The following LAMA1 variants were observed in gnomAD, a reference collection of about 807,000 sequenced individuals.
The protein encoded by LAMA1 is laminin subunit alpha 1.
LAMA1 carries 219 observed loss-of-function variants against 348.7 expected under a neutral mutation model. The ratio of observed to expected loss-of-function variants is 0.63; its 90% CI spans 0.56 to 0.70. LAMA1 has a LOEUF of 0.70. Ranked by LOEUF, LAMA1 falls within the 30% of genes least tolerant of loss-of-function variation. LAMA1 has a pLI of 0.00. For synonymous variants in LAMA1, 1,487 were observed against 1,491.0 expected (o/e 1.00, Z 0.06); for missense variants, 3,744 against 3,888.0 (o/e 0.96, Z 0.99).
At chr18:6,967,166 C>T (rs1265105019) in intron 48 of LAMA1, among the ~76,000 whole-genome samples, 1 of 151,904 alleles carries the variant, frequency 6.6e-6, no homozygotes, top group Admixed American at 6.6e-5. Context: ...TAAAAGAAAA[C>T]AAAACAAAAA....
chr18:7,109,343 C>T (rs1024905924), intron 1 of LAMA1, among the ~76,000 whole-genome samples: 1 of 152,134 alleles, frequency 6.6e-6, no homozygotes, highest in African/African-American at 2.4e-5. Context: ...AAAGAAATGC[C>T]GGGAGCTAAG....
At chr18:6,977,671 T>C (rs2057688480) in intron 44 of LAMA1, 56 bp downstream of exon 44, 1 of 1,608,378 alleles carries the variant, frequency 6.2e-7, no homozygotes, top group Non-Finnish European at 8.5e-7. Context: ...ATGAATTCCC[T>C]GGGACCCCAC....
rs2057500945 is a variant in LAMA1, at chr18:6,942,114, C to T, written c.9193G>A (p.Val3065Ile). The T allele has an allele frequency of 2.5e-6, 4 of 1,614,168 alleles. No individual in the cohort carries two copies. The highest frequency in any genetic ancestry group is 2.2e-5 in the East Asian group (1 of 44,870). ...GTCCCAGGACAGGAATGAAGGAAAA[C>T]TCCGTGCAGTTCGAACGCTCTGCTG... ...DFSRAFELHG[V>I]FLHSCPGTES Residue 3065 changes from valine (V) to isoleucine (I), a missense_variant, in exon 63 of 63, where the codon GTT becomes ATT. Val to Ile is a conservative substitution (Grantham distance 29). This residue lies in a region of LAMA1 where 232 missense variants were observed against 264.4 expected (regional missense o/e 0.88). Transcript: ENST00000389658.
At chr18:7,075,902 A>G (rs1257814308) in intron 3 of LAMA1, among the ~76,000 whole-genome samples, 1 of 151,392 alleles carries the variant, frequency 6.6e-6, no homozygotes, top group Non-Finnish European at 1.5e-5. Flanking sequence ...ACGCCAATGC[A>G]CTCCAGCCTG....
Position 6,974,885 on chromosome 18 carries a change from G to C in LAMA1, c.6623+18C>G. The C allele has an allele frequency of 1.2e-6, 2 of 1,613,970 alleles. No individual in the cohort carries two copies. The highest frequency in any genetic ancestry group is 8.5e-7 in the Non-Finnish European group (1 of 1,179,912). On this transcript the variant is annotated intron_variant, in intron 46 of 62. Coordinates refer to ENST00000389658, the MANE Select transcript of LAMA1 (RefSeq NM_005559.4). ...ACTTTAAAAAAGAGAGCTGCTTTGAGAGAACATTCTCTTCTACCTGGCTAC... is the reference window on the plus strand; with the variant it reads ...ACTTTAAAAAAGAGAGCTGCTTTGACAGAACATTCTCTTCTACCTGGCTAC...
chr18:6,963,636 A>G (rs1685623423), intron 51 of LAMA1, among the ~76,000 whole-genome samples: 1 of 152,172 alleles, frequency 6.6e-6, no homozygotes, highest in South Asian at 2.1e-4. Flanking sequence ...CTAAAGATAG[A>G]GCACTGCTAC....
chr18:6,966,924 G>A (rs2057635774), intron 48 of LAMA1, among the ~76,000 whole-genome samples: 1 of 152,156 alleles, frequency 6.6e-6, no homozygotes, highest in Non-Finnish European at 1.5e-5. Flanking sequence ...CAGAGCAAAA[G>A]GCTGACTTGA....
chr18:7,080,579 C>G (rs947859471), intron 1 of LAMA1, 122 bp from the exon 2 acceptor site: 17 of 1,032,440 alleles, frequency 1.6e-5, no homozygotes, highest in Non-Finnish European at 2.4e-5. Flanking sequence ...ATGAAGGAAT[C>G]CTTACACAAA....
At chr18:6,961,884 G>C in intron 52 of LAMA1, 61 bp downstream of exon 52, 1 of 1,562,468 alleles carries the variant, frequency 6.4e-7, no homozygotes, top group Non-Finnish European at 8.8e-7. Flanking sequence ...GTGTTATGAT[G>C]TTGATAAATC....
chr18:7,024,950 C>A (rs780630855), intron 17 of LAMA1, among the ~76,000 whole-genome samples: 10 of 152,240 alleles, frequency 6.6e-5, no homozygotes, highest in Non-Finnish European at 1.2e-4. Context: ...TCTCCAGGGA[C>A]CCCCTGCTAA....
chr18:7,060,726 T>G (rs1313494491), intron 3 of LAMA1, among the ~76,000 whole-genome samples: 1 of 152,174 alleles, frequency 6.6e-6, no homozygotes, highest in Non-Finnish European at 1.5e-5. Context: ...AAAGAAATAC[T>G]TCAAACACCT....
At chr18:7,087,279 T>C (rs907905661) in intron 1 of LAMA1, among the ~76,000 whole-genome samples, 4 of 152,222 alleles carry the variant, frequency 2.6e-5, no homozygotes, top group Admixed American at 2.6e-4. Context: ...TTCCAATTCT[T>C]AAGAATCAGA....
intron 19 of LAMA1, among the ~76,000 whole-genome samples, chr18:7,020,921 T>C (rs544693025): frequency 2.3e-4 from 35 of 152,150 alleles, no homozygotes; most frequent in Non-Finnish European, 4.0e-4. Context: ...CTGCACAAGT[T>C]GCTGGTGAGT....
At position 7,043,298 on chromosome 18, in the gene LAMA1, T is replaced by C. The variant is rs2058028344; in HGVS notation, c.1084A>G (p.Ile362Val). ...CCCATGGTGTTCTGCAAGCAATTTATGCAAACCCCTCCTCCTCTGAACTGT... is the reference window on the plus strand; with the variant it reads ...CCCATGGTGTTCTGCAAGCAATTTACGCAAACCCCTCCTCCTCTGAACTGT... ...AGQFRGGGVC[I>V]NCLQNTMGIN... The change falls in exon 8 of 63, where the codon ATA becomes GTA. Residue 362 changes from isoleucine (I) to valine (V), a missense_variant. By Grantham distance (29) the Ile-to-Val change is conservative (BLOSUM62 3). Transcript: ENST00000389658. The C allele has an allele frequency of 6.2e-7, 1 of 1,614,178 alleles. No homozygotes were observed. The highest frequency in any genetic ancestry group is 8.5e-7 in the Non-Finnish European group (1 of 1,180,018).
At chr18:6,992,772 A>G (rs1769285782) in intron 35 of LAMA1, 52 bp from the exon 36 acceptor site, 1 of 1,481,238 alleles carries the variant, frequency 6.8e-7, no homozygotes, top group African/African-American at 1.4e-5. Context: ...AGTGGCTAGT[A>G]CCAAGTGAAG....
intron 32 of LAMA1, among the ~76,000 whole-genome samples, chr18:6,998,165 C>T (rs73938534): frequency 2.4e-4 from 37 of 152,152 alleles, no homozygotes; most frequent in African/African-American, 8.4e-4. Context: ...CCAAGAGTGG[C>T]GCCCAGTAAG....
chr18:7,052,720 T>C (rs1047428315), intron 3 of LAMA1, among the ~76,000 whole-genome samples: 2 of 139,102 alleles, frequency 1.4e-5, no homozygotes, highest in Non-Finnish European at 3.1e-5. Context: ...AGAGAGAAAC[T>C]GTCTCAAAAA....
At chr18:6,944,587 T>C (rs2057514131) in intron 61 of LAMA1, among the ~76,000 whole-genome samples, 1 of 152,186 alleles carries the variant, frequency 6.6e-6, no homozygotes, top group South Asian at 2.1e-4. Context: ...ACTGTGTCTT[T>C]ATAAGAAGAG....
chr18:7,115,923 G>A (rs2058354416), intron 1 of LAMA1, among the ~76,000 whole-genome samples: 1 of 151,752 alleles, frequency 6.6e-6, no homozygotes, highest in African/African-American at 2.4e-5. Flanking sequence ...AGGTCGCAGT[G>A]AGCCGAGATG....
Sources: allele counts gnomAD v4.1 joint callset (sites outside exome capture counted in the v4.1 genomes callset), GRCh38; gene constraint gnomAD v4.1.1; regional missense constraint gnomAD v4.1.1; transcripts MANE v1.5; gene names NCBI Gene and HGNC (gene_info 2026-07-23, HGNC 2026-07-21).